NAALADL2: variants seen among roughly 807,000 people sequenced by gnomAD.
NAALADL2 encodes the protein N-acetylated alpha-linked acidic dipeptidase like 2.
A neutral mutation model predicts 87.2 loss-of-function variants in NAALADL2; 76 were observed. That is an observed-to-expected ratio of 0.87 (90% CI 0.72 to 1.05). The LOEUF is 1.05. NAALADL2 is among the 50% of genes least tolerant of loss of function. NAALADL2 has a pLI of 0.00. For missense variants in NAALADL2, 1,089 were observed against 945.8 expected (o/e 1.15, Z -1.99); for synonymous variants, 354 against 331.0 (o/e 1.07, Z -0.75).
chr3:175,207,522 A>T (rs1741122542), intron 2 of NAALADL2, among the ~76,000 whole-genome samples: 1 of 151,998 alleles, frequency 6.6e-6, no homozygotes, highest in Non-Finnish European at 1.5e-5. Flanking sequence ...AAAATGACTC[A>T]TTTGTATATT....
At chr3:174,445,435 C>T (rs2108261859) in intron 1 of NAALADL2, among the ~76,000 whole-genome samples, 1 of 152,108 alleles carries the variant, frequency 6.6e-6, no homozygotes, top group Non-Finnish European at 1.5e-5. Context: ...CATGTCTTTC[C>T]TGGCCTTCAG....
At chr3:175,767,309 C>T (rs1012236910) in intron 13 of NAALADL2, among the ~76,000 whole-genome samples, 6 of 152,064 alleles carry the variant, frequency 3.9e-5, no homozygotes, top group South Asian at 4.1e-4. Context: ...GTACTCACCC[C>T]ATAGTCTATA....
intron 2 of NAALADL2, 47 bp from the exon 3 acceptor site, chr3:175,233,883 TA>T: frequency 9.3e-7 from 1 of 1,080,970 alleles, no homozygotes; most frequent in Non-Finnish European, 1.3e-6. Context: ...CTCAAAAGAA[TA>T]AAGTATTCTC....
intron 2 of NAALADL2, among the ~76,000 whole-genome samples, chr3:175,192,786 T>C (rs761427130): frequency 2.6e-5 from 4 of 152,048 alleles, no homozygotes; most frequent in Non-Finnish European, 5.9e-5. Flanking sequence ...GTTTTGTTTA[T>C]TGAAATAATG....
intron 9 of NAALADL2, among the ~76,000 whole-genome samples, chr3:175,556,111 T>C (rs999198769): frequency 2.6e-5 from 4 of 152,194 alleles, no homozygotes; most frequent in Non-Finnish European, 5.9e-5. Context: ...ATCAGCACCA[T>C]ACAGTATAAG....
chr3:175,301,454 A>T (rs896511133), intron 4 of NAALADL2, among the ~76,000 whole-genome samples: 9 of 152,290 alleles, frequency 5.9e-5, no homozygotes, highest in African/African-American at 1.9e-4. Flanking sequence ...TACTGCAAAA[A>T]CGCATGTAGC....
intron 1 of NAALADL2, among the ~76,000 whole-genome samples, chr3:175,055,843 C>T (rs1384767914): frequency 6.6e-6 from 1 of 152,148 alleles, no homozygotes; most frequent in Non-Finnish European, 1.5e-5. Context: ...CCTGCCATTG[C>T]CTGTGCCAAC....
intron 13 of NAALADL2, among the ~76,000 whole-genome samples, chr3:175,769,878 C>CA (rs1261867809): frequency 3.3e-5 from 5 of 152,030 alleles, no homozygotes; most frequent in Admixed American, 1.3e-4. Flanking sequence ...GTCTTGACTC[C>CA]AATATCTGTA....
chr3:175,667,961 A>G (rs1733434606), intron 11 of NAALADL2, among the ~76,000 whole-genome samples: 1 of 152,138 alleles, frequency 6.6e-6, no homozygotes, highest in South Asian at 2.1e-4. Context: ...CACTCACTGC[A>G]TAAGGGACCA....
chr3:174,900,581 A>T (rs1266379709), intron 1 of NAALADL2, among the ~76,000 whole-genome samples: 2 of 152,000 alleles, frequency 1.3e-5, no homozygotes, highest in Non-Finnish European at 2.9e-5. Context: ...AAAAATTCTA[A>T]TTCATAAATA....
chr3:174,834,183 A>T (rs980278060), intron 3 of NAALADL2, among the ~76,000 whole-genome samples: 1 of 149,376 alleles, frequency 6.7e-6, no homozygotes, highest in Non-Finnish European at 1.5e-5. Flanking sequence ...TAAAATGTAT[A>T]TTGAGAGAGT....
At chr3:175,193,782 G>T (rs1580866126) in intron 2 of NAALADL2, among the ~76,000 whole-genome samples, 1 of 151,872 alleles carries the variant, frequency 6.6e-6, no homozygotes, top group Non-Finnish European at 1.5e-5. Flanking sequence ...ACTAGAACAG[G>T]TGTTTTTTTG....
At chr3:175,112,287 A>C (rs1473705234) in intron 2 of NAALADL2, among the ~76,000 whole-genome samples, 1 of 151,368 alleles carries the variant, frequency 6.6e-6, no homozygotes, top group Non-Finnish European at 1.5e-5. Context: ...AATTCTTGTT[A>C]ATATATTTTT....
chr3:175,172,708 C>T (rs185470580), intron 2 of NAALADL2, among the ~76,000 whole-genome samples: 6 of 151,982 alleles, frequency 3.9e-5, no homozygotes, highest in Admixed American at 3.9e-4. Flanking sequence ...TAGTAGTGAA[C>T]ACAGGAAATG....
chr3:175,374,554 A>G (rs1368447719), intron 5 of NAALADL2, among the ~76,000 whole-genome samples: 18 of 20,222 alleles, frequency 8.9e-4, no homozygotes, highest in African/African-American at 4.8e-3. Flanking sequence ...GCATCTCCAG[A>G]AAAAAAAAAA....
chr3:175,565,901 C>A (rs950539828), intron 9 of NAALADL2, among the ~76,000 whole-genome samples: 2 of 131,564 alleles, frequency 1.5e-5, no homozygotes, highest in African/African-American at 5.7e-5. Context: ...GCGTTATTGG[C>A]TCACCGCAAC....
At chr3:175,184,437 T>C (rs1432294787) in intron 2 of NAALADL2, among the ~76,000 whole-genome samples, 1 of 152,142 alleles carries the variant, frequency 6.6e-6, no homozygotes, top group East Asian at 1.9e-4. Flanking sequence ...GTGTTGTGAC[T>C]ATTTAGTACA....
intron 1 of NAALADL2, among the ~76,000 whole-genome samples, chr3:175,058,027 G>C (rs1712591605): frequency 6.6e-6 from 1 of 152,184 alleles, no homozygotes; most frequent in South Asian, 2.1e-4. Flanking sequence ...TCTGAGAACA[G>C]ATTACTAATA....
At chr3:175,714,192 C>T (rs1412382605) in intron 11 of NAALADL2, among the ~76,000 whole-genome samples, 10 of 152,158 alleles carry the variant, frequency 6.6e-5, no homozygotes, top group South Asian at 2.1e-4. Context: ...AATAAACATA[C>T]GTGTGCATGT....
Sources: gnomAD v4.1 joint callset for allele counts (sites outside exome capture counted in the v4.1 genomes callset) on GRCh38, gnomAD v4.1.1 for gene constraint, MANE v1.5 for transcripts, NCBI Gene and HGNC (gene_info 2026-07-23, HGNC 2026-07-21) for gene names.